The following PXDNL variants were observed in gnomAD, a reference collection of about 807,000 sequenced individuals.
PXDNL encodes probable oxidoreductase PXDNL.
A neutral mutation model predicts 150.8 loss-of-function variants in PXDNL; 145 were observed. The observed-to-expected ratio is 0.96, with a 90% CI of 0.84 to 1.10. The LOEUF (loss-of-function observed/expected upper bound fraction) is 1.10, where lower values mean the gene tolerates loss of function less well. Ranked by LOEUF, PXDNL falls within the 50% of genes least tolerant of loss-of-function variation. The pLI, the probability that PXDNL is intolerant of heterozygous loss-of-function variation, is 0.00. For synonymous variants in PXDNL, 757 were observed against 725.7 expected (o/e 1.04, Z -0.69); for missense variants, 2,087 against 1,873.9 (o/e 1.11, Z -2.10).
intron 4 of PXDNL, among the ~76,000 whole-genome samples, chr8:51,531,742 G>A (rs1173804826): frequency 6.6e-6 from 1 of 152,186 alleles, no homozygotes; most frequent in African/African-American, 2.4e-5. Flanking sequence ...GAGGAATGGT[G>A]GAGAGAATCT....
In PXDNL at chr8:51,358,461, C is replaced by G. The variant is rs1806591726; in HGVS notation, c.3902-12514G>C. ...ACCTTGTGTCGGTACATTCCTGGCC[C>G]CCATAATAGTGTGTAAAAAAATGAT... On this transcript the variant is annotated intron_variant, in intron 19 of 22. Transcript: ENST00000356297. Among the ~76,000 whole-genome samples the G allele has an allele frequency of 2.0e-5, 3 of 152,150 alleles. No homozygotes were observed. The South Asian group carries it at 6.2e-4, about 32-fold the overall frequency.
rs1164253505 is a variant in PXDNL at position 51,809,163 on chromosome 8, G to A, written c.164+18C>T. The A allele has an allele frequency of 1.2e-6, 2 of 1,613,116 alleles. No homozygotes were observed. Among genetic ancestry groups the A allele is most frequent in the Non-Finnish European group, 1.7e-6 (2 of 1,179,484 alleles). On this transcript the variant is annotated intron_variant, in intron 1 of 22. Coordinates refer to ENST00000356297, the MANE Select transcript of PXDNL (RefSeq NM_144651.5). ...AGCATTGGGGAAGAGGGTTTCTGGG[G>A]AATTTATGTGAACTTACAGAACTGT... is the stretch of plus-strand genomic sequence containing the variant.
chr8:51,339,691 T>A lies in PXDNL; in HGVS notation c.4079A>T (p.Lys1360Met), dbSNP rs760948250. 3 of 1,613,588 alleles carry A rather than the reference T, an allele frequency of 1.9e-6. No individual in the cohort carries two copies. Among genetic ancestry groups the A allele is most frequent in the Non-Finnish European group, 2.5e-6 (3 of 1,179,668 alleles). Residue 1360 changes from lysine to methionine, a missense_variant, in exon 21 of 23, where the codon AAG becomes ATG. Lys to Met is a moderately conservative substitution (Grantham distance 95). Coordinates refer to ENST00000356297, the MANE Select transcript of PXDNL (RefSeq NM_144651.5). ...AAACGTGCTGAAATCTTGGGAGAAC[T>A]TTGTTTTTGCCAGAACTGTCACATT... is the stretch of plus-strand genomic sequence containing the variant. ...ARNVTVLAKT[K>M]FSQDFSTFAA...
intron 3 of PXDNL, among the ~76,000 whole-genome samples, chr8:51,563,488 C>A (rs1172964672): frequency 2.6e-5 from 4 of 151,922 alleles, no homozygotes; most frequent in African/African-American, 4.8e-5. Context: ...GGTCTTAGGG[C>A]TTCAAGATAG....
intron 3 of PXDNL, among the ~76,000 whole-genome samples, chr8:51,588,494 G>A (rs1310903407): frequency 6.6e-6 from 1 of 152,168 alleles, no homozygotes; most frequent in East Asian, 1.9e-4. Context: ...TAGAAGTTGT[G>A]TGAAATGATT....
intron 12 of PXDNL, among the ~76,000 whole-genome samples, chr8:51,443,381 G>A (rs555997497): frequency 6.6e-6 from 1 of 152,192 alleles, no homozygotes; most frequent in South Asian, 2.1e-4. Context: ...AAAACAAAGA[G>A]CTAAAAGGGA....
chr8:51,460,738 T>A (rs548810343), intron 8 of PXDNL, among the ~76,000 whole-genome samples: 1 of 151,806 alleles, frequency 6.6e-6, no homozygotes, highest in Admixed American at 6.6e-5. Context: ...ACGACCCCCA[T>A]AGACATTTTA....
At chr8:51,701,939 G>A (rs1466606781) in intron 1 of PXDNL, among the ~76,000 whole-genome samples, 1 of 152,112 alleles carries the variant, frequency 6.6e-6, no homozygotes, top group Non-Finnish European at 1.5e-5. Flanking sequence ...TTAAACTCCT[G>A]AAGCCTGAGC....
chr8:51,438,868 C>T (rs564759389), intron 12 of PXDNL, among the ~76,000 whole-genome samples: 3 of 152,228 alleles, frequency 2.0e-5, no homozygotes, highest in Non-Finnish European at 2.9e-5. Context: ...ATTGGCAAGC[C>T]ACATGGAGAA....
chr8:51,769,059 T>C (rs1007294416), intron 1 of PXDNL, among the ~76,000 whole-genome samples: 7 of 152,148 alleles, frequency 4.6e-5, no homozygotes, highest in African/African-American at 1.7e-4. Context: ...CTGAGTTTGC[T>C]CCACTGCACT....
intron 4 of PXDNL, among the ~76,000 whole-genome samples, chr8:51,505,644 T>G (rs1441999689): frequency 2.6e-5 from 4 of 152,222 alleles, no homozygotes; most frequent in Admixed American, 2.0e-4. Context: ...TGTGTCTGTG[T>G]ATGTAATTTT....
intron 3 of PXDNL, among the ~76,000 whole-genome samples, chr8:51,566,496 T>C (rs1812831885): frequency 6.6e-6 from 1 of 151,802 alleles, no homozygotes; most frequent in Non-Finnish European, 1.5e-5. Context: ...AGATTATCTC[T>C]TTCTTCTTGT....
chr8:51,582,521 A>T (rs1813230665), intron 3 of PXDNL, among the ~76,000 whole-genome samples: 1 of 152,186 alleles, frequency 6.6e-6, no homozygotes, highest in African/African-American at 2.4e-5. Flanking sequence ...ACTTGTCTAT[A>T]TTCAGGGTCA....
chr8:51,519,922 T>G (rs1032016452), intron 4 of PXDNL, among the ~76,000 whole-genome samples: 2 of 152,154 alleles, frequency 1.3e-5, no homozygotes, highest in Non-Finnish European at 2.9e-5. Context: ...ACAGGCACCT[T>G]CAGGCAGAAA....
chr8:51,536,575 G>A (rs1812082915), intron 4 of PXDNL, among the ~76,000 whole-genome samples: 1 of 152,018 alleles, frequency 6.6e-6, no homozygotes, highest in Admixed American at 6.6e-5. Context: ...AGGCACGACA[G>A]TGCCCAGGAC....
At chr8:51,329,535 C>T (rs1170856469) in intron 21 of PXDNL, among the ~76,000 whole-genome samples, 37 of 151,980 alleles carry the variant, frequency 2.4e-4, no homozygotes, top group Non-Finnish European at 2.9e-5. Flanking sequence ...TTTTAAGAGG[C>T]AAAACAAGCA....
intron 2 of PXDNL, among the ~76,000 whole-genome samples, chr8:51,602,075 C>T (rs1189506497): frequency 6.6e-6 from 1 of 151,680 alleles, no homozygotes; most frequent in Non-Finnish European, 1.5e-5. Flanking sequence ...CTTGCAAGGC[C>T]GTTAGCCTGA....
chr8:51,364,350 A>G (rs1806849224), intron 19 of PXDNL, among the ~76,000 whole-genome samples: 1 of 152,162 alleles, frequency 6.6e-6, no homozygotes, highest in East Asian at 1.9e-4. Flanking sequence ...CCACACTCTT[A>G]CTGTATTCCC....
chr8:51,355,683 G>A lies in PXDNL; in HGVS notation c.3902-9736C>T, dbSNP rs1420696268. On this transcript the variant is annotated intron_variant, in intron 19 of 22. Coordinates refer to ENST00000356297, the MANE Select transcript of PXDNL (RefSeq NM_144651.5). Reference sequence around the variant, plus strand: ...CAATTTTATCAGTAGAGTTTTGACTGATTTATGACACAAACAAATGTGTCA... The same window carrying A: ...CAATTTTATCAGTAGAGTTTTGACTAATTTATGACACAAACAAATGTGTCA... Among the ~76,000 whole-genome samples, 3 of 152,170 alleles carry A rather than the reference G, an allele frequency of 2.0e-5. No individual in the cohort carries two copies. The East Asian group carries it at 5.8e-4, about 29-fold the overall frequency.
Sources: allele counts gnomAD v4.1 joint callset (sites outside exome capture counted in the v4.1 genomes callset), GRCh38; gene constraint gnomAD v4.1.1; transcripts MANE v1.5; gene names NCBI Gene and HGNC (gene_info 2026-07-23, HGNC 2026-07-21).